The following TMEM132B variants were observed in gnomAD, a reference collection of about 807,000 sequenced individuals.
The protein encoded by TMEM132B is transmembrane protein 132B.
Under a neutral mutation model 90.8 loss-of-function variants are expected in TMEM132B, and 18 were observed. The observed-to-expected ratio is 0.20, with a 90% CI of 0.14 to 0.29. The LOEUF is 0.29. Ranked by LOEUF, TMEM132B falls within the 10% of genes least tolerant of loss-of-function variation. TMEM132B has a pLI of 1.00. For missense variants in TMEM132B, 1,096 were observed against 1,326.8 expected (o/e 0.83, Z 2.70); for synonymous variants, 504 against 523.3 (o/e 0.96, Z 0.50).
chr12:125,558,578 A>C (rs1315839435), intron 4 of TMEM132B, among the ~76,000 whole-genome samples: 1 of 152,230 alleles, frequency 6.6e-6, no homozygotes, highest in Non-Finnish European at 1.5e-5. Flanking sequence ...ATATCACTTC[A>C]CAATGCAGAC....
chr12:125,509,584 C>G (rs1882928726), intron 3 of TMEM132B, among the ~76,000 whole-genome samples: 1 of 152,030 alleles, frequency 6.6e-6, no homozygotes, highest in African/African-American at 2.4e-5. Context: ...AATATCTCTG[C>G]AGGGCTAATA....
chr12:125,227,958 G>A (rs1873719082), intron 1 of TMEM132B, among the ~76,000 whole-genome samples: 2 of 152,190 alleles, frequency 1.3e-5, no homozygotes, highest in Non-Finnish European at 2.9e-5. Flanking sequence ...CCACAGCACT[G>A]TCCTGGCTTG....
In TMEM132B at chr12:125,406,103, C is replaced by G. The variant is rs12423314; in HGVS notation, c.960-9428C>G. ...TCCACTGTGGGCTGTTTGGTTAACT[C>G]AAACGTTAGTAGATATGCTTAACTA... On this transcript the variant is annotated intron_variant, in intron 2 of 8. Coordinates refer to ENST00000682704, the MANE Select transcript of TMEM132B (RefSeq NM_001366854.1). The surrounding 1 kb of genome is among the most constrained non-coding windows in gnomAD (Gnocchi z 8.3). 7.6e-3 allele frequency among the ~76,000 whole-genome samples: 1,163 copies of G among 152,282 alleles called. 47 individuals carry two copies. The East Asian group carries it at 0.083, about 11-fold the overall frequency.
chr12:125,613,133 T>C (rs1171792686), intron 5 of TMEM132B, among the ~76,000 whole-genome samples: 1 of 116,198 alleles, frequency 8.6e-6, no homozygotes, highest in Non-Finnish European at 1.6e-5. Context: ...TATATTTATA[T>C]ATTATATATA....
At position 125,350,183 on chromosome 12, in the gene TMEM132B, G is replaced by T. The variant is rs1273892859; in HGVS notation, c.799G>T (p.Val267Leu). The change falls in exon 2 of 9, where the codon GTG (valine) becomes TTG (leucine). Residue 267 changes from valine (V) to leucine (L), a missense_variant. By Grantham distance (32) the Val-to-Leu change is conservative. Transcript: ENST00000682704. ...TCCAGCCCGAGAGAGGATTGGGAGT[G>T]TGGTGGTCTACCCAACCCAAGATGA... ...AFPARERIGS[V>L]VVYPTQDDLK... 15 of 1,614,070 alleles carry T rather than the reference G, an allele frequency of 9.3e-6. No individual in the cohort carries two copies. Among genetic ancestry groups the T allele is most frequent in the Non-Finnish European group, 1.2e-5 (14 of 1,180,042 alleles).
intron 3 of TMEM132B, among the ~76,000 whole-genome samples, chr12:125,486,597 C>T (rs1593169994): frequency 6.6e-6 from 1 of 152,126 alleles, no homozygotes; most frequent in African/African-American, 2.4e-5. Flanking sequence ...ATATTGAAGG[C>T]CTGCAAGGCT....
intron 1 of TMEM132B, among the ~76,000 whole-genome samples, chr12:125,331,035 G>A (rs571099857): frequency 6.6e-6 from 1 of 152,326 alleles, no homozygotes; most frequent in African/African-American, 2.4e-5. Flanking sequence ...TTCGTCTCTG[G>A]AAGAGGGGAG....
chr12:125,455,356 G>T (rs931821093), intron 3 of TMEM132B, among the ~76,000 whole-genome samples: 4 of 152,192 alleles, frequency 2.6e-5, no homozygotes, highest in Non-Finnish European at 5.9e-5. Context: ...CTGGCATTTG[G>T]GGACATTTGT....
chr12:125,307,585 T>A (rs79004690), intron 1 of TMEM132B, among the ~76,000 whole-genome samples: 63 of 152,098 alleles, frequency 4.1e-4, no homozygotes, highest in African/African-American at 1.5e-3. Flanking sequence ...TTACTGTTTA[T>A]CTGTGTGAAA....
Position 125,645,678 on chromosome 12 carries a change from G to A in TMEM132B, c.1643+1397G>A, listed in dbSNP as rs573133714. ...CAGATAAGAGACCAGCCCAGCTGAC[G>A]CCTTAATATTGAACTTGTGAATCTC... On this transcript the variant is annotated intron_variant, in intron 6 of 8. Coordinates refer to ENST00000682704, the MANE Select transcript of TMEM132B (RefSeq NM_001366854.1). Among the ~76,000 whole-genome samples, 4 of 152,288 alleles carry A rather than the reference G, an allele frequency of 2.6e-5. No homozygotes were observed. The South Asian group carries it at 8.3e-4, about 32-fold the overall frequency.
chr12:125,430,638 T>C (rs1464390170), intron 3 of TMEM132B, among the ~76,000 whole-genome samples: 1 of 152,130 alleles, frequency 6.6e-6, no homozygotes, highest in Non-Finnish European at 1.5e-5. Context: ...ACGACGGTCA[T>C]CTCTGCATCC....
intron 1 of TMEM132B, among the ~76,000 whole-genome samples, chr12:125,278,477 CTTTT>C (rs35950577): frequency 4.2e-5 from 6 of 141,498 alleles, no homozygotes; most frequent in African/African-American, 1.3e-4. Context: ...GAATCTCCAT[CTTTT>C]TTTTTTTTTT....
intron 2 of TMEM132B, among the ~76,000 whole-genome samples, chr12:125,400,823 A>C (rs1182482148): frequency 1.3e-5 from 2 of 152,210 alleles, no homozygotes; most frequent in Non-Finnish European, 2.9e-5. Flanking sequence ...TATCTCAGAA[A>C]GGGTGTTGAA....
At chr12:125,463,838 T>C (rs1213404687) in intron 3 of TMEM132B, among the ~76,000 whole-genome samples, 1 of 152,230 alleles carries the variant, frequency 6.6e-6, no homozygotes, top group Non-Finnish European at 1.5e-5. Context: ...AGAGGTTTAA[T>C]TGACTCACAG....
intron 3 of TMEM132B, among the ~76,000 whole-genome samples, chr12:125,463,616 C>T (rs1041843359): frequency 1.3e-5 from 2 of 152,184 alleles, no homozygotes; most frequent in Admixed American, 1.3e-4. Context: ...CTTGGAATCT[C>T]AGCTCTCCCT....
chr12:125,590,638 A>T (rs1430916724), intron 5 of TMEM132B, among the ~76,000 whole-genome samples: 1 of 152,206 alleles, frequency 6.6e-6, no homozygotes, highest in Admixed American at 6.5e-5. Flanking sequence ...TGTGGAGGGC[A>T]ATATATAAAC....
chr12:125,331,478 T>C (rs1286928020), intron 1 of TMEM132B, among the ~76,000 whole-genome samples: 2 of 152,194 alleles, frequency 1.3e-5, no homozygotes, highest in African/African-American at 2.4e-5. Flanking sequence ...GAGGTCGCGC[T>C]ATGGTTAAAA....
rs538601246 is a variant in TMEM132B, at chr12:125,595,614, A to G, written c.1437+11620A>G. On this transcript the variant is annotated intron_variant, in intron 5 of 8. Coordinates refer to ENST00000682704, the MANE Select transcript of TMEM132B (RefSeq NM_001366854.1). ...ATCGCAATTACGTTTGCACCAACCA[A>G]TGATACTCAAAATAATCCTGTGAGG... Among the ~76,000 whole-genome samples, 12 of 152,370 alleles carry G rather than the reference A, an allele frequency of 7.9e-5. No individual in the cohort carries two copies. In the East Asian group the frequency reaches 1.9e-3, roughly 24 times the overall value.
At chr12:125,286,983 G>A (rs533983560) in intron 1 of TMEM132B, among the ~76,000 whole-genome samples, 3 of 151,438 alleles carry the variant, frequency 2.0e-5, no homozygotes, top group Non-Finnish European at 4.4e-5. Flanking sequence ...GATTACAGGC[G>A]TGAGCCACCA....
Sources: allele counts gnomAD v4.1 joint callset (sites outside exome capture counted in the v4.1 genomes callset), GRCh38; gene constraint gnomAD v4.1.1; non-coding constraint Gnocchi (gnomAD v3.1); transcripts MANE v1.5; gene names NCBI Gene and HGNC (gene_info 2026-07-23, HGNC 2026-07-21).